Variants in CSMD1 observed in about 807,000 individuals in gnomAD.
CSMD1 encodes the protein CUB and Sushi multiple domains 1.
In CSMD1, 213 loss-of-function variants were observed where a neutral mutation model predicts 417.5. That is an observed-to-expected ratio of 0.51 (90% CI 0.46 to 0.57). The LOEUF (loss-of-function observed/expected upper bound fraction) is 0.57. Ranked by LOEUF, CSMD1 falls within the 20% of genes least tolerant of loss-of-function variation. CSMD1 has a pLI of 0.00. For synonymous variants in CSMD1, 2,862 were observed against 1,736.8 expected (o/e 1.65, Z -16.11); for missense variants, 6,923 against 4,529.7 (o/e 1.53, Z -15.17).
intron 49 of CSMD1, among the ~76,000 whole-genome samples, chr8:3,053,339 G>C (rs191237562): frequency 2.0e-5 from 3 of 152,176 alleles, no homozygotes; most frequent in Non-Finnish European, 2.9e-5. Flanking sequence ...GGATGAAGCA[G>C]CATCTTTATC....
At chr8:4,917,577 T>G (rs977221172) in intron 1 of CSMD1, among the ~76,000 whole-genome samples, 1 of 152,124 alleles carries the variant, frequency 6.6e-6, no homozygotes, top group Non-Finnish European at 1.5e-5. Flanking sequence ...GAGGTTGCAG[T>G]GAGCCGAGAT....
At chr8:4,446,755 C>CTGTA (rs1798825381) in intron 2 of CSMD1, among the ~76,000 whole-genome samples, 1 of 132,950 alleles carries the variant, frequency 7.5e-6, no homozygotes, top group Non-Finnish European at 1.6e-5. Flanking sequence ...GTGTGTGTGT[C>CTGTA]TGTGTGTGTG....
At chr8:3,794,116 C>A (rs1456391526) in intron 5 of CSMD1, among the ~76,000 whole-genome samples, 7 of 152,094 alleles carry the variant, frequency 4.6e-5, no homozygotes, top group African/African-American at 1.7e-4. Context: ...AGGCACACAC[C>A]CTGCCTAATG....
At chr8:3,317,063 G>T (rs536044913) in intron 23 of CSMD1, among the ~76,000 whole-genome samples, 8 of 152,138 alleles carry the variant, frequency 5.3e-5, no homozygotes, top group Non-Finnish European at 1.0e-4. Flanking sequence ...GGACACAGAA[G>T]ACTCAGTAGA....
chr8:3,377,029 G>A (rs1202489736), intron 18 of CSMD1, among the ~76,000 whole-genome samples: 4 of 152,184 alleles, frequency 2.6e-5, no homozygotes, highest in African/African-American at 9.7e-5. Flanking sequence ...TCTTTGTGGA[G>A]ACAGAGTCTT....
At chr8:3,862,494 C>G (rs1345181177) in intron 5 of CSMD1, among the ~76,000 whole-genome samples, 1 of 152,164 alleles carries the variant, frequency 6.6e-6, no homozygotes, top group Non-Finnish European at 1.5e-5. Flanking sequence ...TCAAAGTTCG[C>G]CTTTCCCAGA....
rs371209488 is a variant in CSMD1, at chr8:3,118,487, A to G, written c.6342T>C (p.Tyr2114=). 5 of 1,613,814 alleles carry G rather than the reference A, an allele frequency of 3.1e-6. No homozygotes were observed. Among genetic ancestry groups the G allele is most frequent in the Non-Finnish European group, 4.2e-6 (5 of 1,179,846 alleles). ...SVGQSVSFEC[Y]PGYILIGHPV... ...GATGGCCTATTAGAATGTACCCAGG[A>G]TAACACTCGAAAGATACTGATTGCC... is the stretch of plus-strand genomic sequence containing the variant. The change falls in exon 42 of 70, where the codon TAT becomes TAC. Residue 2114 remains tyrosine, a synonymous_variant. Coordinates refer to ENST00000635120, the MANE Select transcript of CSMD1 (RefSeq NM_033225.6).
chr8:3,507,623 A>C (rs1432615102), intron 10 of CSMD1, among the ~76,000 whole-genome samples: 2 of 152,208 alleles, frequency 1.3e-5, no homozygotes, highest in African/African-American at 4.8e-5. Flanking sequence ...TCCCACCAAC[A>C]GTGTAAAAGT....
At chr8:3,256,930 AT>A (rs1306916356) in intron 26 of CSMD1, among the ~76,000 whole-genome samples, 1 of 152,246 alleles carries the variant, frequency 6.6e-6, no homozygotes, top group Non-Finnish European at 1.5e-5. Context: ...AACTAACAAA[AT>A]TTTACATTAT....
chr8:4,657,980 G>A (rs868581780), intron 1 of CSMD1, among the ~76,000 whole-genome samples: 1 of 109,378 alleles, frequency 9.1e-6, no homozygotes. Flanking sequence ...GTTGGTTAAA[G>A]CAGGTAGAAG....
chr8:3,988,101 T>C (rs1427566186), intron 5 of CSMD1, among the ~76,000 whole-genome samples: 1 of 152,212 alleles, frequency 6.6e-6, no homozygotes, highest in African/African-American at 2.4e-5. Flanking sequence ...GTGATTTTTT[T>C]ATACCCTTTT....
At chr8:4,032,144 C>G in intron 3 of CSMD1, 45 bp from the exon 4 acceptor site, 1 of 1,430,454 alleles carries the variant, frequency 7.0e-7, no homozygotes, top group Non-Finnish European at 9.7e-7. Flanking sequence ...GTTAAATTTT[C>G]CATGGAGAGC....
At chr8:3,265,401 G>T (rs1215972095) in intron 26 of CSMD1, among the ~76,000 whole-genome samples, 1 of 152,136 alleles carries the variant, frequency 6.6e-6, no homozygotes, top group Non-Finnish European at 1.5e-5. Flanking sequence ...TGTGAAGGGG[G>T]GAGTGTAAGA....
chr8:3,971,164 G>A (rs1436607384), intron 5 of CSMD1, among the ~76,000 whole-genome samples: 1 of 152,088 alleles, frequency 6.6e-6, no homozygotes, highest in African/African-American at 2.4e-5. Context: ...GCTGCCTCCT[G>A]GCATGATGGA....
At chr8:4,073,577 G>A (rs550809410) in intron 3 of CSMD1, among the ~76,000 whole-genome samples, 3 of 152,146 alleles carry the variant, frequency 2.0e-5, no homozygotes, top group Admixed American at 6.5e-5. Flanking sequence ...ACAGTATGAG[G>A]GATATATTCA....
At chr8:3,835,928 G>C (rs889503000) in intron 5 of CSMD1, among the ~76,000 whole-genome samples, 2 of 151,874 alleles carry the variant, frequency 1.3e-5, no homozygotes, top group Non-Finnish European at 2.9e-5. Context: ...TTCTCCGTAG[G>C]AACAATATGG....
chr8:3,345,489 C>G (rs1042208864), intron 22 of CSMD1, among the ~76,000 whole-genome samples: 1 of 152,046 alleles, frequency 6.6e-6, no homozygotes, highest in African/African-American at 2.4e-5. Context: ...GCACTGATCA[C>G]AAATAAAAAC....
chr8:4,395,210 A>T (rs1804119335), intron 3 of CSMD1, among the ~76,000 whole-genome samples: 3 of 152,194 alleles, frequency 2.0e-5, no homozygotes, highest in Non-Finnish European at 2.9e-5. Flanking sequence ...AACATCAGAC[A>T]TCTGGCTGGT....
At chr8:4,318,713 C>CA (rs33979970) in intron 3 of CSMD1, among the ~76,000 whole-genome samples, 3,708 of 143,510 alleles carry the variant, frequency 0.026, 58 homozygotes, top group Middle Eastern at 0.058. Context: ...TTTAAAATCT[C>CA]AAAAAAAAAA....
Sources: allele counts gnomAD v4.1 joint callset (sites outside exome capture counted in the v4.1 genomes callset), GRCh38; gene constraint gnomAD v4.1.1; transcripts MANE v1.5; gene names NCBI Gene and HGNC (gene_info 2026-07-23, HGNC 2026-07-21).